Variants in SCMH1 observed in about 807,000 individuals in gnomAD.
SCMH1 encodes the protein polycomb protein SCMH1.
In SCMH1, 37 loss-of-function variants were observed where a neutral mutation model predicts 70.8. That is an observed-to-expected ratio of 0.52 (90% CI 0.40 to 0.69). The LOEUF is 0.69. SCMH1 is among the 30% of genes least tolerant of loss of function. SCMH1 has a pLI of 0.00. For synonymous variants in SCMH1, 292 were observed against 307.4 expected, an observed-to-expected ratio of 0.95 and a Z score of 0.52; for missense variants, 607 against 827.3, an observed-to-expected ratio of 0.73 and a Z score of 3.27.
intron 8 of SCMH1, among the ~76,000 whole-genome samples, chr1:41,110,542 A>G (rs1397377738): frequency 2.0e-5 from 3 of 152,180 alleles, no homozygotes; most frequent in African/African-American, 7.2e-5. Flanking sequence ...GTAATCATCA[A>G]TGATTATCTT....
chr1:41,064,321 C>G (rs912818183), intron 10 of SCMH1, among the ~76,000 whole-genome samples: 2 of 152,122 alleles, frequency 1.3e-5, no homozygotes, highest in Admixed American at 6.6e-5. Context: ...GCTTTCCAAC[C>G]AAAATCAGGA....
chr1:41,171,553 T>C (rs1460321096), intron 2 of SCMH1, among the ~76,000 whole-genome samples: 1 of 151,402 alleles, frequency 6.6e-6, no homozygotes, highest in East Asian at 1.9e-4. Flanking sequence ...GCAGTTACAG[T>C]GCCAGCTAGG....
chr1:41,147,932 T>A (rs1182572413), intron 5 of SCMH1, among the ~76,000 whole-genome samples: 1 of 152,206 alleles, frequency 6.6e-6, no homozygotes, highest in East Asian at 1.9e-4. Flanking sequence ...AGTGTAAGTT[T>A]TTGAAGGCAG....
At chr1:41,066,608 C>G (rs1442074949) in intron 10 of SCMH1, among the ~76,000 whole-genome samples, 1 of 152,174 alleles carries the variant, frequency 6.6e-6, no homozygotes, top group East Asian at 1.9e-4. Flanking sequence ...GGGTCTAGCT[C>G]TGTCACGCAG....
At chr1:41,103,964 AG>A (rs1667238437) in intron 8 of SCMH1, among the ~76,000 whole-genome samples, 1 of 152,182 alleles carries the variant, frequency 6.6e-6, no homozygotes, top group Non-Finnish European at 1.5e-5. Context: ...CATATAACCA[AG>A]AAAAAATCAG....
At chr1:41,092,721 C>G (rs1195682729) in intron 8 of SCMH1, among the ~76,000 whole-genome samples, 2 of 152,166 alleles carry the variant, frequency 1.3e-5, no homozygotes, top group African/African-American at 4.8e-5. Flanking sequence ...AGGATATGAA[C>G]AGCCACTTCT....
intron 8 of SCMH1, among the ~76,000 whole-genome samples, chr1:41,088,751 A>C (rs1166282109): frequency 6.6e-6 from 1 of 152,262 alleles, no homozygotes; most frequent in Non-Finnish European, 1.5e-5. Flanking sequence ...GAGGAAAAAA[A>C]CGTAAACAAA....
chr1:41,194,858 T>C (rs571239991), intron 1 of SCMH1, among the ~76,000 whole-genome samples: 1 of 152,054 alleles, frequency 6.6e-6, no homozygotes, highest in African/African-American at 2.4e-5. Flanking sequence ...AAGAGCCAGA[T>C]AGGCTGGGCA....
At chr1:41,033,899 G>T in intron 13 of SCMH1, 84 bp downstream of exon 14, 1 of 1,596,560 alleles carries the variant, frequency 6.3e-7, no homozygotes. Context: ...TGAGGCCAGT[G>T]CCAGGAGGGC....
chr1:41,241,960 G>A (rs1354921966), intron 1 of SCMH1, 99 bp downstream of exon 1: 3 of 152,264 alleles, frequency 2.0e-5, no homozygotes, highest in African/African-American at 4.8e-5. Flanking sequence ...GGGGGAGCAG[G>A]CGCAGCGGCT....
intron 1 of SCMH1, among the ~76,000 whole-genome samples, chr1:41,217,770 C>A (rs2148830173): frequency 6.6e-6 from 1 of 152,292 alleles, no homozygotes; most frequent in Admixed American, 6.5e-5. Flanking sequence ...ATGAGACATT[C>A]TCAGGCTAAA....
At chr1:41,110,121 T>C (rs1668905912) in intron 8 of SCMH1, among the ~76,000 whole-genome samples, 1 of 152,190 alleles carries the variant, frequency 6.6e-6, no homozygotes, top group Non-Finnish European at 1.5e-5. Flanking sequence ...GGTACTTGTT[T>C]CTTGCATCAC....
chr1:41,186,323 T>G lies in SCMH1; in HGVS notation c.-117-73A>C. ...GTAAAGTACTGAGATCTCTAATTATTAACAATTAGGCTACATTATAAGAAA... is the reference window on the plus strand; with the variant it reads ...GTAAAGTACTGAGATCTCTAATTATGAACAATTAGGCTACATTATAAGAAA... On this transcript the variant is annotated intron_variant, in intron 1 of 14. Transcript: ENST00000337495. 1.3e-5 allele frequency: 6 copies of G among 444,570 alleles called. No homozygotes were observed. In the South Asian group the frequency reaches 2.2e-4, roughly 16 times the overall value. 27.5% of individuals were successfully genotyped at this position (444,570 alleles called of 1,614,324 possible). A position where few individuals can be genotyped will look rare whatever the true frequency, so the allele number is the denominator to read the frequency against.
intron 1 of SCMH1, among the ~76,000 whole-genome samples, chr1:41,195,108 G>A (rs1445616306): frequency 8.8e-6 from 1 of 113,048 alleles, no homozygotes; most frequent in East Asian, 2.9e-4. Context: ...TCTAGCCCAG[G>A]CAACAAGATT....
chr1:41,076,116 CA>C (rs149259836), intron 8 of SCMH1, among the ~76,000 whole-genome samples: 1,615 of 152,302 alleles, frequency 0.011, 37 homozygotes, highest in African/African-American at 0.036. Flanking sequence ...CTTGCTCTCC[CA>C]TTATGACTGA....
At chr1:41,078,591 G>T (rs1659070025) in intron 8 of SCMH1, among the ~76,000 whole-genome samples, 1 of 152,138 alleles carries the variant, frequency 6.6e-6, no homozygotes, top group Admixed American at 6.5e-5. Flanking sequence ...GTGATAGCAG[G>T]CTCTTTAATA....
chr1:41,240,879 C>CT (rs775037121), intron 1 of SCMH1, among the ~76,000 whole-genome samples: 1 of 151,944 alleles, frequency 6.6e-6, no homozygotes, highest in Non-Finnish European at 1.5e-5. Flanking sequence ...TCCAGGATCA[C>CT]TTTTAAGAAA....
Position 41,153,276 on chromosome 1 carries a change from T to C in SCMH1, c.107-1592A>G, listed in dbSNP as rs577657664. Among the ~76,000 whole-genome samples the C allele has an allele frequency of 2.6e-5, 4 of 152,336 alleles. No individual in the cohort carries two copies. The South Asian group carries it at 6.2e-4, about 24-fold the overall frequency. ...CTGTGCTAGCCAATAAGGTAGCCAC[T>C]AGCCACATAACTATTGGATACTTGA... On this transcript the variant is annotated intron_variant, in intron 4 of 14. Coordinates refer to ENST00000337495, the Ensembl canonical transcript of SCMH1.
chr1:41,060,706 A>G (rs11585719), intron 10 of SCMH1, among the ~76,000 whole-genome samples: 11,883 of 152,112 alleles, frequency 0.078, 599 homozygotes, highest in South Asian at 0.12. Flanking sequence ...GTGCAGTGGT[A>G]CTATCGTAAC....
Sources: allele counts gnomAD v4.1 joint callset (sites outside exome capture counted in the v4.1 genomes callset), GRCh38; gene constraint gnomAD v4.1.1; transcripts MANE v1.5; gene names NCBI Gene and HGNC (gene_info 2026-07-23, HGNC 2026-07-21).